Variants in GLIS3 observed in about 807,000 individuals in gnomAD.
GLIS3 encodes zinc finger protein GLIS3.
In GLIS3, 53 loss-of-function variants were observed where a neutral mutation model predicts 78.6. The observed-to-expected ratio is 0.67, with a 90% CI of 0.54 to 0.85. The LOEUF is 0.85. GLIS3 is among the 40% of genes least tolerant of loss of function. The pLI, the probability that GLIS3 is intolerant of heterozygous loss-of-function variation, is 0.00. For missense variants in GLIS3, 1,703 were observed against 1,231.1 expected (o/e 1.38, Z -5.74); for synonymous variants, 684 against 509.9 (o/e 1.34, Z -4.60).
At chr9:3,938,453 T>G (rs943626795) in intron 4 of GLIS3, among the ~76,000 whole-genome samples, 3 of 152,182 alleles carry the variant, frequency 2.0e-5, no homozygotes, top group African/African-American at 7.2e-5. Flanking sequence ...TAGAGGACAT[T>G]GTTCACAACA....
chr9:4,101,665 T>C (rs552850790), intron 4 of GLIS3, among the ~76,000 whole-genome samples: 1 of 152,362 alleles, frequency 6.6e-6, no homozygotes, highest in South Asian at 2.1e-4. Context: ...AGCTGTTTGT[T>C]TTTAAACTGT....
At chr9:4,430,579 T>C in the GLIS3 span, among the ~76,000 whole-genome samples, 3 of 152,232 alleles carry the variant, frequency 2.0e-5, no homozygotes, top group African/African-American at 7.2e-5. Context: ...AGTTAATTTA[T>C]AACTGGCTTT....
At chr9:4,367,044 G>C in the GLIS3 span, among the ~76,000 whole-genome samples, 19 of 152,336 alleles carry the variant, frequency 1.2e-4, no homozygotes, top group African/African-American at 4.6e-4. Context: ...TTGAATAGCA[G>C]CCTTTATCTA....
intron 6 of GLIS3, among the ~76,000 whole-genome samples, chr9:3,922,999 C>T (rs146766708): frequency 4.5e-4 from 68 of 152,240 alleles, no homozygotes; most frequent in Non-Finnish European, 8.2e-4. Context: ...GAAAGCCACT[C>T]CTAGAATTCC....
intron 2 of GLIS3, among the ~76,000 whole-genome samples, chr9:4,260,940 A>G (rs562897083): frequency 1.3e-5 from 2 of 152,300 alleles, no homozygotes; most frequent in South Asian, 4.1e-4. Context: ...GGCTACTTCA[A>G]ATTGAGATGT....
At chr9:4,033,198 C>T (rs1388324769) in intron 4 of GLIS3, among the ~76,000 whole-genome samples, 2 of 152,144 alleles carry the variant, frequency 1.3e-5, no homozygotes, top group African/African-American at 2.4e-5. Context: ...ACCAGAATGG[C>T]ACAGTGCTGG....
chr9:4,278,008 T>C (rs1017396537), intron 2 of GLIS3, among the ~76,000 whole-genome samples: 1 of 152,190 alleles, frequency 6.6e-6, no homozygotes, highest in Non-Finnish European at 1.5e-5. Flanking sequence ...CTCCGCTCAT[T>C]AAAAATTTAC....
At chr9:4,040,318 T>C (rs1463836697) in intron 4 of GLIS3, among the ~76,000 whole-genome samples, 6 of 151,828 alleles carry the variant, frequency 4.0e-5, no homozygotes, top group Non-Finnish European at 7.4e-5. Flanking sequence ...ACCTGCTACA[T>C]TGAATATATA....
intron 1 of GLIS3, among the ~76,000 whole-genome samples, chr9:4,298,912 A>C (rs1370309260): frequency 6.6e-6 from 1 of 152,116 alleles, no homozygotes. Flanking sequence ...CTCCACAAAC[A>C]CGTGGAACTT....
intron 7 of GLIS3, among the ~76,000 whole-genome samples, chr9:3,896,167 T>G (rs1000608707): frequency 6.6e-6 from 1 of 152,188 alleles, no homozygotes; most frequent in Non-Finnish European, 1.5e-5. Context: ...GGGCGAAGGT[T>G]TGCAGTGGAT....
At chr9:3,940,641 C>G (rs1006571808) in intron 4 of GLIS3, among the ~76,000 whole-genome samples, 1 of 152,066 alleles carries the variant, frequency 6.6e-6, no homozygotes, top group Non-Finnish European at 1.5e-5. Context: ...ACAAGAGAAA[C>G]GTGAACCAAC....
intron 6 of GLIS3, among the ~76,000 whole-genome samples, chr9:3,910,732 C>A (rs1019079065): frequency 6.6e-6 from 1 of 152,300 alleles, no homozygotes; most frequent in East Asian, 1.9e-4. Context: ...TATTCACTTT[C>A]CTGAGTAGAG....
intron 7 of GLIS3, 136 bp from the exon 8 acceptor site, chr9:3,879,731 C>T (rs1821603550): frequency 4.5e-6 from 4 of 896,454 alleles, no homozygotes; most frequent in Admixed American, 2.2e-5. Flanking sequence ...AACAGTTCTC[C>T]CCTTCTTGGG....
chr9:4,477,938 C>T, the GLIS3 span, among the ~76,000 whole-genome samples: 3 of 152,174 alleles, frequency 2.0e-5, no homozygotes, highest in African/African-American at 7.2e-5. Flanking sequence ...TTGTCTCTTG[C>T]TATGAAATAC....
At chr9:4,090,039 T>C (rs1200179461) in intron 4 of GLIS3, among the ~76,000 whole-genome samples, 2 of 152,172 alleles carry the variant, frequency 1.3e-5, no homozygotes, top group Admixed American at 1.3e-4. Context: ...TGTCAGTGGG[T>C]TGTCCTGCCT....
intron 2 of GLIS3, among the ~76,000 whole-genome samples, chr9:4,174,086 A>C (rs1203334689): frequency 2.0e-5 from 3 of 152,248 alleles, no homozygotes; most frequent in Non-Finnish European, 4.4e-5. Flanking sequence ...TAAGTAGGTC[A>C]GACTGTAAAA....
At chr9:4,113,566 A>T (rs1831398132) in intron 4 of GLIS3, among the ~76,000 whole-genome samples, 1 of 152,200 alleles carries the variant, frequency 6.6e-6, no homozygotes, top group Admixed American at 6.5e-5. Flanking sequence ...TGCTTACATG[A>T]TATTTTCCTA....
chr9:4,301,597 T>C (rs773672597), upstream of GLIS3, among the ~76,000 whole-genome samples: 71 of 152,206 alleles, frequency 4.7e-4, no homozygotes, highest in Non-Finnish European at 9.4e-4. Flanking sequence ...CAGATTCTTG[T>C]GCTGTACAAC....
the GLIS3 span, among the ~76,000 whole-genome samples, chr9:4,479,114 C>T: frequency 3.9e-5 from 6 of 152,190 alleles, no homozygotes; most frequent in East Asian, 1.2e-3. Context: ...TTTGTAGAGA[C>T]AGGATTTCAC....
Sources: allele counts gnomAD v4.1 joint callset (sites outside exome capture counted in the v4.1 genomes callset), GRCh38; gene constraint gnomAD v4.1.1; transcripts MANE v1.5; gene names NCBI Gene and HGNC (gene_info 2026-07-23, HGNC 2026-07-21).